The following FRMD3 variants were observed in gnomAD, a reference collection of about 807,000 sequenced individuals.
The protein encoded by FRMD3 is FERM domain-containing protein 3.
A neutral mutation model predicts 70.2 loss-of-function variants in FRMD3; 33 were observed. The observed-to-expected ratio is 0.47, with a 90% CI of 0.36 to 0.63. The LOEUF is 0.63. Ranked by LOEUF, FRMD3 falls within the 20% of genes least tolerant of loss-of-function variation. The probability of loss-of-function intolerance (pLI) is 0.00; values close to 1 mark genes in which losing one functional copy is unlikely to be tolerated. For missense variants in FRMD3, 632 were observed against 711.4 expected (o/e 0.89, Z 1.27); for synonymous variants, 279 against 255.9 (o/e 1.09, Z -0.86).
chr9:83,421,183 G>T (rs906397017), intron 1 of FRMD3, among the ~76,000 whole-genome samples: 16 of 150,748 alleles, frequency 1.1e-4, no homozygotes, highest in Admixed American at 2.6e-4. Context: ...CTCATGATCC[G>T]CCCGCCTCTG....
chr9:83,376,611 CTT>C (rs5898828), intron 2 of FRMD3, among the ~76,000 whole-genome samples: 2,352 of 131,928 alleles, frequency 0.018, 52 homozygotes, highest in African/African-American at 0.061. Context: ...TGCTATATTC[CTT>C]TTTTTTTTTT....
rs73648543 is a variant in FRMD3, at chr9:83,384,579, G to A, written c.252+5025C>T. 6.2e-3 allele frequency among the ~76,000 whole-genome samples: 938 copies of A among 152,246 alleles called. 9 individuals are homozygous for A. The highest frequency in any genetic ancestry group is 0.02 in the African/African-American group (850 of 41,554). ...TTCTGGCTACCAACATAAAAGCCTT[G>A]GGGCTGTAATTATATTAGGGTTGTG... is the stretch of plus-strand genomic sequence containing the variant. On this transcript the variant is annotated intron_variant, in intron 2 of 13. Transcript: ENST00000304195.
intron 13 of FRMD3, among the ~76,000 whole-genome samples, chr9:83,265,123 AGGT>A (rs1187158804): frequency 6.6e-6 from 1 of 152,200 alleles, no homozygotes; most frequent in African/African-American, 2.4e-5. Flanking sequence ...CGTGTCGGCC[AGGT>A]GCGGTGGCTC....
In FRMD3 at chr9:83,479,775, G is replaced by A. The variant is rs1587450773; in HGVS notation, c.147+58310C>T. Among the ~76,000 whole-genome samples the A allele has an allele frequency of 2.2e-4, 11 of 50,628 alleles. 1 individual carries two copies. The highest frequency in any genetic ancestry group is 3.3e-4 in the Non-Finnish European group (9 of 26,982). The allele number at this position is 50,628 out of a possible 152,430, so 33.2% of individuals were successfully genotyped here. On this transcript the variant is annotated intron_variant, in intron 1 of 13. Coordinates refer to ENST00000304195, the MANE Select transcript of FRMD3 (RefSeq NM_174938.6). ...GAGAAGAAGAAGGGAGGGAGGGAGG[G>A]AGGGAGGGAGGGAAGGAAGGAAGGA...
intron 1 of FRMD3, among the ~76,000 whole-genome samples, chr9:83,463,478 C>T (rs1038904286): frequency 6.6e-6 from 1 of 152,018 alleles, no homozygotes; most frequent in East Asian, 1.9e-4. Context: ...GGTGGAAAGC[C>T]CCTCACAAAG....
At position 83,377,730 on chromosome 9, in the gene FRMD3, T is replaced by C. The variant is rs149332492; in HGVS notation, c.253-4775A>G. On this transcript the variant is annotated intron_variant, in intron 2 of 13. Transcript: ENST00000304195. ...TCCCCAGAAGCAGATGCTGGCACCA[T>C]GGTTCCTGTACAGCCTTCAGAACCA... Among the ~76,000 whole-genome samples the C allele has an allele frequency of 3.9e-3, 601 of 152,284 alleles. 3 individuals are homozygous for C. Among genetic ancestry groups the C allele is most frequent in the Middle Eastern group, 0.01 (3 of 294 alleles).
intron 6 of FRMD3, among the ~76,000 whole-genome samples, chr9:83,319,042 A>G (rs1259606333): frequency 6.6e-6 from 1 of 151,944 alleles, no homozygotes; most frequent in East Asian, 1.9e-4. Context: ...AATTCCAGAT[A>G]TTAGCCCTTT....
At chr9:83,345,889 A>G (rs181433647) in intron 4 of FRMD3, among the ~76,000 whole-genome samples, 17 of 152,338 alleles carry the variant, frequency 1.1e-4, no homozygotes, top group East Asian at 3.9e-4. Context: ...CCCAGACCCA[A>G]TGAAATCAGA....
intron 1 of FRMD3, among the ~76,000 whole-genome samples, chr9:83,421,229 C>T (rs1005522672): frequency 5.3e-5 from 8 of 151,996 alleles, no homozygotes; most frequent in African/African-American, 1.2e-4. Flanking sequence ...CGTGAGCCAC[C>T]GCGCCCGGCC....
chr9:83,296,907 A>G (rs1834690705), intron 12 of FRMD3, among the ~76,000 whole-genome samples: 2 of 152,158 alleles, frequency 1.3e-5, no homozygotes, highest in South Asian at 4.1e-4. Context: ...ATCATCTGAG[A>G]AAATGTTAGA....
intron 13 of FRMD3, among the ~76,000 whole-genome samples, chr9:83,284,890 G>A (rs1834124217): frequency 6.6e-6 from 1 of 152,150 alleles, no homozygotes; most frequent in Admixed American, 6.5e-5. Context: ...GCAGCCTTGG[G>A]CTGTCAGAGA....
At chr9:83,404,188 A>C (rs1021420377) in intron 1 of FRMD3, among the ~76,000 whole-genome samples, 4 of 152,174 alleles carry the variant, frequency 2.6e-5, no homozygotes, top group African/African-American at 9.7e-5. Context: ...CCTTTCTTCA[A>C]GCGATTAGTC....
intron 13 of FRMD3, among the ~76,000 whole-genome samples, chr9:83,261,283 C>T (rs537968474): frequency 6.6e-6 from 1 of 152,292 alleles, no homozygotes; most frequent in Admixed American, 6.5e-5. Flanking sequence ...CCTTAGGCTT[C>T]ATCCTTGCAG....
chr9:83,296,617 C>T (rs1438807424), intron 12 of FRMD3, among the ~76,000 whole-genome samples: 1 of 152,120 alleles, frequency 6.6e-6, no homozygotes, highest in African/African-American at 2.4e-5. Context: ...CTTTCATATG[C>T]CCAGGGGGAG....
intron 13 of FRMD3, among the ~76,000 whole-genome samples, chr9:83,288,513 G>A (rs142057787): frequency 5.4e-4 from 83 of 152,326 alleles, no homozygotes; most frequent in Non-Finnish European, 1.0e-3. Context: ...CCACAAAGAT[G>A]TTCTAGCAGG....
the FRMD3 span, among the ~76,000 whole-genome samples, chr9:83,562,696 G>A: frequency 6.6e-6 from 1 of 152,198 alleles, no homozygotes; most frequent in Admixed American, 6.5e-5. Flanking sequence ...CTGTCACCGA[G>A]CCACAGGCTC....
intron 1 of FRMD3, chr9:83,467,870 C>T (rs373959879): frequency 1.5e-5 from 17 of 1,169,760 alleles, no homozygotes; most frequent in Middle Eastern, 5.6e-4. Context: ...AAGTTACAAA[C>T]ATGAGATGCT....
chr9:83,286,812 T>A (rs1834234251), intron 13 of FRMD3, among the ~76,000 whole-genome samples: 1 of 152,322 alleles, frequency 6.6e-6, no homozygotes, highest in South Asian at 2.1e-4. Flanking sequence ...TTTGAAGCTC[T>A]GAGAAGCAAC....
chr9:83,453,584 ACT>A, intron 1 of FRMD3, among the ~76,000 whole-genome samples: 1 of 150,430 alleles, frequency 6.6e-6, no homozygotes, highest in South Asian at 2.2e-4. Flanking sequence ...AATTTCAAAG[ACT>A]TAGTCCAGAT....
Sources: gnomAD v4.1 joint callset for allele counts (sites outside exome capture counted in the v4.1 genomes callset) on GRCh38, gnomAD v4.1.1 for gene constraint, MANE v1.5 for transcripts, NCBI Gene and HGNC (gene_info 2026-07-23, HGNC 2026-07-21) for gene names.